RAB39A: variants seen among roughly 807,000 people sequenced by gnomAD.
RAB39A encodes the protein ras-related protein Rab-39A.
RAB39A carries 17 observed loss-of-function variants against 20.9 expected under a neutral mutation model. That is an observed-to-expected ratio of 0.81 (90% CI 0.56 to 1.22). RAB39A has a LOEUF of 1.22. Ranked by LOEUF, RAB39A falls within the 50% of genes most tolerant of loss-of-function variation. The pLI is 0.00. For synonymous variants in RAB39A, 99 were observed against 103.4 expected (o/e 0.96, Z 0.26); for missense variants, 234 against 270.5 (o/e 0.87, Z 0.95).
At chr11:107,930,173 A>T (rs537344730) in intron 1 of RAB39A, among the ~76,000 whole-genome samples, 1 of 152,310 alleles carries the variant, frequency 6.6e-6, no homozygotes, top group Admixed American at 6.5e-5. Flanking sequence ...CGCTTCAGAG[A>T]GGTGTTAAAA....
rs1248035976 is a variant in RAB39A at position 107,963,371 on chromosome 11, A to G, written c.*999A>G. On this transcript the variant is annotated 3_prime_UTR_variant, in exon 2 of 2. Transcript: ENST00000320578. Reference sequence around the variant, plus strand: ...AGGCATGAGCTGCCGTGCCTGGACTATCAGCAGCACATGTTTTGCTGTTAC... The same window carrying G: ...AGGCATGAGCTGCCGTGCCTGGACTGTCAGCAGCACATGTTTTGCTGTTAC... 1 of 152,172 alleles carries G rather than the reference A, an allele frequency of 6.6e-6. No individual in the cohort carries two copies. Among genetic ancestry groups the G allele is most frequent in the East Asian group, 1.9e-4 (1 of 5,204 alleles). 9.4% of individuals were successfully genotyped at this position (152,172 alleles called of 1,614,324 possible).
intron 1 of RAB39A, among the ~76,000 whole-genome samples, chr11:107,947,807 CAAAA>C (rs35694249): frequency 3.7e-3 from 297 of 80,224 alleles, no homozygotes; most frequent in Middle Eastern, 0.015. Context: ...CATCAACAGG[CAAAA>C]AAAAAAAAAA....
chr11:107,955,637 G>A (rs1376499475), intron 1 of RAB39A, among the ~76,000 whole-genome samples: 17 of 152,098 alleles, frequency 1.1e-4, no homozygotes. Flanking sequence ...TTGGGAGGTC[G>A]AGACCAGCCT....
intron 1 of RAB39A, among the ~76,000 whole-genome samples, chr11:107,934,196 G>T (rs556022356): frequency 1.9e-3 from 286 of 152,258 alleles, no homozygotes; most frequent in African/African-American, 6.2e-3. Context: ...GGGAAGCTGA[G>T]GCAGGAGAAT....
intron 1 of RAB39A, among the ~76,000 whole-genome samples, chr11:107,935,394 A>G (rs532438342): frequency 2.0e-5 from 3 of 148,402 alleles, no homozygotes; most frequent in East Asian, 2.0e-4. Flanking sequence ...TTTTTTTTGG[A>G]GACAGAGTCT....
At chr11:107,934,538 A>G (rs1182333897) in intron 1 of RAB39A, among the ~76,000 whole-genome samples, 1 of 152,194 alleles carries the variant, frequency 6.6e-6, no homozygotes, top group Non-Finnish European at 1.5e-5. Context: ...GAGCAGAACC[A>G]CTAAATACTT....
chr11:107,934,472 CTAAGGAGTATAATTTGGGAA>C (rs1376996800), intron 1 of RAB39A, among the ~76,000 whole-genome samples: 1 of 152,022 alleles, frequency 6.6e-6, no homozygotes, highest in African/African-American at 2.4e-5. Context: ...AACTGGTGCT[CTAAGGAGTATAATTTGGGAA>C]TAGCTCCCTT....
At chr11:107,938,735 C>CAAA (rs544043987) in intron 1 of RAB39A, among the ~76,000 whole-genome samples, 1 of 103,784 alleles carries the variant, frequency 9.6e-6, no homozygotes, top group Non-Finnish European at 2.0e-5. Flanking sequence ...GGCCCTATCT[C>CAAA]AAAAAAAAAA....
intron 1 of RAB39A, among the ~76,000 whole-genome samples, chr11:107,955,083 A>G (rs1861419424): frequency 8.4e-6 from 1 of 119,134 alleles, no homozygotes; most frequent in Non-Finnish European, 1.6e-5. Context: ...TGCAAGCTCC[A>G]CCTCCCGGGT....
Position 107,957,269 on chromosome 11 carries a change from C to G in RAB39A, c.228-4677C>G, listed in dbSNP as rs762444659. 8.9e-4 allele frequency among the ~76,000 whole-genome samples: 135 copies of G among 152,202 alleles called. 1 individual carries two copies. The highest frequency in any genetic ancestry group is 1.5e-3 in the Non-Finnish European group (102 of 68,042). ...AAAATCTTTAGTACATGGAGAATGA[C>G]CAAGCAGTTGGAAGATGACAGCAGT... On this transcript the variant is annotated intron_variant, in intron 1 of 1. Transcript: ENST00000320578.
chr11:107,936,778 T>C (rs1861197588), intron 1 of RAB39A, among the ~76,000 whole-genome samples: 2 of 152,000 alleles, frequency 1.3e-5, no homozygotes, highest in South Asian at 2.1e-4. Flanking sequence ...AAAAACAAAT[T>C]AGCTGTGCAT....
At chr11:107,946,990 C>T (rs1323262835) in intron 1 of RAB39A, among the ~76,000 whole-genome samples, 1 of 151,618 alleles carries the variant, frequency 6.6e-6, no homozygotes, top group Non-Finnish European at 1.5e-5. Context: ...GTGTGCACTC[C>T]GGCCTGGGAG....
At chr11:107,949,798 A>G (rs747120854) in intron 1 of RAB39A, among the ~76,000 whole-genome samples, 1 of 152,230 alleles carries the variant, frequency 6.6e-6, no homozygotes, top group Non-Finnish European at 1.5e-5. Flanking sequence ...TTTCACACAT[A>G]ACTTGTTCTG....
chr11:107,950,515 C>T (rs1861366797), intron 1 of RAB39A, among the ~76,000 whole-genome samples: 1 of 151,924 alleles, frequency 6.6e-6, no homozygotes, highest in South Asian at 2.1e-4. Context: ...GCCTGTAATC[C>T]CAGCACTTTC....
chr11:107,946,432 GTGTGTATA>G (rs1418035315), intron 1 of RAB39A, among the ~76,000 whole-genome samples: 109 of 21,094 alleles, frequency 5.2e-3, no homozygotes, highest in Non-Finnish European at 5.5e-3. Context: ...GTGTGTGTGT[GTGTGTATA>G]TATATATATA....
chr11:107,930,924 T>G (rs1165557241), intron 1 of RAB39A, among the ~76,000 whole-genome samples: 2 of 152,074 alleles, frequency 1.3e-5, no homozygotes, highest in Non-Finnish European at 2.9e-5. Context: ...ATTAATTTGT[T>G]AGACTTTAAA....
At chr11:107,942,612 C>G (rs574839871) in intron 1 of RAB39A, among the ~76,000 whole-genome samples, 3 of 152,282 alleles carry the variant, frequency 2.0e-5, no homozygotes, top group Non-Finnish European at 4.4e-5. Context: ...GCATGAGCTA[C>G]CAACACTCAG....
intron 1 of RAB39A, among the ~76,000 whole-genome samples, chr11:107,938,359 C>CAAAAAAAAA (rs58613355): frequency 1.3e-4 from 8 of 63,348 alleles, no homozygotes; most frequent in African/African-American, 1.5e-4. Flanking sequence ...GACTCCGTCT[C>CAAAAAAAAA]AAAAAAAAAA....
chr11:107,952,700 T>C (rs1453224079), intron 1 of RAB39A, among the ~76,000 whole-genome samples: 1 of 151,464 alleles, frequency 6.6e-6, no homozygotes, highest in Admixed American at 6.6e-5. Context: ...GCCAATGTGG[T>C]GAAACCCCGT....
Sources: gnomAD v4.1 joint callset for allele counts (sites outside exome capture counted in the v4.1 genomes callset) on GRCh38, gnomAD v4.1.1 for gene constraint, MANE v1.5 for transcripts, NCBI Gene and HGNC (gene_info 2026-07-23, HGNC 2026-07-21) for gene names.